GPHN: variants seen among roughly 807,000 people sequenced by gnomAD.
GPHN encodes gephyrin.
Under a neutral mutation model 95.5 loss-of-function variants are expected in GPHN, and 17 were observed. That is an observed-to-expected ratio of 0.18 (90% CI 0.12 to 0.27). The LOEUF is 0.27. Among genes scored for constraint, GPHN ranks in the 10% least tolerant of loss-of-function variants. GPHN has a pLI of 1.00. For synonymous variants in GPHN, 320 were observed against 322.5 expected (o/e 0.99, Z 0.08); for missense variants, 660 against 978.1 (o/e 0.67, Z 4.34).
At chr14:66,535,750 T>A (rs1265769491) in intron 1 of GPHN, among the ~76,000 whole-genome samples, 1 of 152,168 alleles carries the variant, frequency 6.6e-6, no homozygotes, top group Non-Finnish European at 1.5e-5. Flanking sequence ...TTATTTAAAT[T>A]TCATTTTGAA....
chr14:67,284,588 A>AAAAAAAAAAAAAT, the GPHN span, among the ~76,000 whole-genome samples: 1 of 130,710 alleles, frequency 7.7e-6, no homozygotes, highest in African/African-American at 3.2e-5. Context: ...AAAAAAAAAA[A>AAAAAAAAAAAAAT]GGTTGTGCAA....
chr14:66,695,579 T>C (rs2068055819), intron 2 of GPHN, among the ~76,000 whole-genome samples: 1 of 152,190 alleles, frequency 6.6e-6, no homozygotes, highest in African/African-American at 2.4e-5. Flanking sequence ...AGAAACTTTA[T>C]AAATGACAAA....
the GPHN span, among the ~76,000 whole-genome samples, chr14:67,388,706 G>T: frequency 1.3e-5 from 2 of 152,034 alleles, no homozygotes. Flanking sequence ...TTGAGACGGA[G>T]TCTCACTCTG....
chr14:66,936,208 G>A (rs1197529763), intron 8 of GPHN, among the ~76,000 whole-genome samples: 3 of 152,018 alleles, frequency 2.0e-5, no homozygotes, highest in South Asian at 2.1e-4. Flanking sequence ...GTGAAATCTC[G>A]TCTCTACTAA....
At chr14:67,052,352 A>AAG (rs531828598) in intron 10 of GPHN, among the ~76,000 whole-genome samples, 2 of 151,470 alleles carry the variant, frequency 1.3e-5, no homozygotes, top group Non-Finnish European at 2.9e-5. Flanking sequence ...AAAAAAAAAA[A>AAG]GATCAAAAAA....
In GPHN at chr14:67,080,659, A is replaced by G. The variant is rs554784671; in HGVS notation, c.1145-8324A>G. Among the ~76,000 whole-genome samples the G allele has an allele frequency of 5.9e-5, 9 of 152,188 alleles. No individual in the cohort carries two copies. In the South Asian group the frequency reaches 1.2e-3, roughly 21 times the overall value. ...TAGGGAACAGGTGGTGTTTGTTTAC[A>G]TGAGTAAGTTCTTTAGTGGTGATTT... is the stretch of plus-strand genomic sequence containing the variant. On this transcript the variant is annotated intron_variant, in intron 11 of 22. Coordinates refer to ENST00000478722, the MANE Select transcript of GPHN (RefSeq NM_020806.5).
chr14:66,760,615 G>A, intron 2 of GPHN: 1 of 397,534 alleles, frequency 2.5e-6, no homozygotes, highest in African/African-American at 2.1e-5. Flanking sequence ...ATTGCAAGGT[G>A]TTCAGATTTT....
chr14:67,358,043 A>C, the GPHN span, among the ~76,000 whole-genome samples: 6 of 152,352 alleles, frequency 3.9e-5, no homozygotes, highest in South Asian at 1.2e-3. Context: ...TGACTAGAAC[A>C]AACAGTAAAT....
chr14:67,239,701 CA>C, the GPHN span, among the ~76,000 whole-genome samples: 1 of 152,062 alleles, frequency 6.6e-6, no homozygotes, highest in African/African-American at 2.4e-5. Flanking sequence ...ACTAACAATA[CA>C]AAAATTAGCC....
chr14:67,404,669 G>C, the GPHN span, among the ~76,000 whole-genome samples: 2 of 151,524 alleles, frequency 1.3e-5, no homozygotes, highest in Admixed American at 6.6e-5. Flanking sequence ...AATTAGTCAG[G>C]TGTGGTGACA....
At chr14:67,426,935 A>G in the GPHN span, among the ~76,000 whole-genome samples, 13 of 152,190 alleles carry the variant, frequency 8.5e-5, no homozygotes, top group African/African-American at 3.1e-4. Context: ...TCAGGGGCAG[A>G]GGAGTCAGAA....
At chr14:67,661,792 T>A in the GPHN span, among the ~76,000 whole-genome samples, 1 of 152,068 alleles carries the variant, frequency 6.6e-6, no homozygotes, top group East Asian at 1.9e-4. Flanking sequence ...CCTTGGCATC[T>A]CAAAGTGTTG....
At chr14:66,958,390 C>G (rs1490381999) in intron 8 of GPHN, among the ~76,000 whole-genome samples, 3 of 152,118 alleles carry the variant, frequency 2.0e-5, no homozygotes, top group African/African-American at 7.2e-5. Flanking sequence ...ATTTGAATCT[C>G]TTGTAGATAG....
At chr14:67,479,050 T>G in the GPHN span, among the ~76,000 whole-genome samples, 4 of 152,252 alleles carry the variant, frequency 2.6e-5, no homozygotes, top group Non-Finnish European at 5.9e-5. Flanking sequence ...CTTTATATTT[T>G]TCTGCATACT....
chr14:67,216,588 C>T, the GPHN span, among the ~76,000 whole-genome samples: 3 of 151,912 alleles, frequency 2.0e-5, no homozygotes, highest in Non-Finnish European at 2.9e-5. Flanking sequence ...CATAAGTTTT[C>T]GTATATTGTA....
chr14:67,571,753 G>C, the GPHN span: 1 of 1,613,878 alleles, frequency 6.2e-7, no homozygotes, highest in Non-Finnish European at 8.5e-7. Flanking sequence ...GTCTTGCAGA[G>C]AGCTACACAG....
chr14:67,422,672 A>C, the GPHN span, among the ~76,000 whole-genome samples: 2 of 152,216 alleles, frequency 1.3e-5, no homozygotes, highest in Admixed American at 6.5e-5. Flanking sequence ...AAGAAAATGC[A>C]TATCAGTTAG....
At chr14:67,225,090 C>T in the GPHN span, 9 of 1,538,460 alleles carry the variant, frequency 5.9e-6, no homozygotes, top group Non-Finnish European at 7.9e-6. Flanking sequence ...CCTTTACTTT[C>T]CTTATTCTTT....
At chr14:67,029,877 C>G (rs1320813346) in intron 10 of GPHN, among the ~76,000 whole-genome samples, 1 of 152,014 alleles carries the variant, frequency 6.6e-6, no homozygotes, top group East Asian at 1.9e-4. Context: ...GCTTGGGTAC[C>G]TTTATAAATC....
Sources: gnomAD v4.1 joint callset for allele counts (sites outside exome capture counted in the v4.1 genomes callset) on GRCh38, gnomAD v4.1.1 for gene constraint, MANE v1.5 for transcripts, NCBI Gene and HGNC (gene_info 2026-07-23, HGNC 2026-07-21) for gene names.